The following GRAMD1B variants were observed in gnomAD, a reference collection of about 807,000 sequenced individuals.
GRAMD1B encodes the protein protein Aster-B.
In GRAMD1B, 37 loss-of-function variants were observed where a neutral mutation model predicts 99.7. That is an observed-to-expected ratio of 0.37 (90% confidence interval 0.29 to 0.49). GRAMD1B has a LOEUF of 0.49. Ranked by LOEUF, GRAMD1B falls within the 20% of genes least tolerant of loss-of-function variation. The pLI is 0.98. For missense variants in GRAMD1B, 888 were observed against 1,009.2 expected (o/e 0.88, Z 1.63); for synonymous variants, 427 against 387.6 (o/e 1.10, Z -1.19).
intron 1 of GRAMD1B, among the ~76,000 whole-genome samples, chr11:123,445,926 C>T (rs1273627106): frequency 2.0e-5 from 3 of 151,744 alleles, no homozygotes; most frequent in Non-Finnish European, 4.4e-5. Context: ...TCAAGACATA[C>T]TATTGGGAAA....
At chr11:123,553,409 C>G (rs1282493908) in intron 2 of GRAMD1B, among the ~76,000 whole-genome samples, 1 of 152,056 alleles carries the variant, frequency 6.6e-6, no homozygotes, top group African/African-American at 2.4e-5. Flanking sequence ...GCATTTTGTC[C>G]CAGGGAAGGC....
intron 8 of GRAMD1B, among the ~76,000 whole-genome samples, chr11:123,601,315 C>T (rs185113787): frequency 4.3e-4 from 66 of 152,086 alleles, no homozygotes; most frequent in Admixed American, 1.6e-3. Flanking sequence ...GATGAAGCCA[C>T]CCCTTCATGC....
intron 1 of GRAMD1B, among the ~76,000 whole-genome samples, chr11:123,422,213 G>A (rs187306933): frequency 3.9e-4 from 59 of 152,296 alleles, no homozygotes; most frequent in Admixed American, 1.6e-3. Flanking sequence ...GTTCTGGGGC[G>A]CAGTGCAGCA....
chr11:123,373,072 G>A (rs1001899999), intron 1 of GRAMD1B, among the ~76,000 whole-genome samples: 9 of 152,204 alleles, frequency 5.9e-5, no homozygotes, highest in Non-Finnish European at 1.2e-4. Context: ...CCAGGAGGCA[G>A]AGGTTGTGGT....
intron 2 of GRAMD1B, among the ~76,000 whole-genome samples, chr11:123,576,732 G>A (rs1429556409): frequency 2.6e-5 from 4 of 152,190 alleles, no homozygotes; most frequent in Non-Finnish European, 5.9e-5. Flanking sequence ...AAATAATATG[G>A]TGTGGGTGAG....
chr11:123,557,760 C>T (rs973179644), intron 2 of GRAMD1B, among the ~76,000 whole-genome samples: 1 of 152,086 alleles, frequency 6.6e-6, no homozygotes, highest in Non-Finnish European at 1.5e-5. Context: ...CGGTTTTAAC[C>T]CATTGTATTT....
intron 2 of GRAMD1B, among the ~76,000 whole-genome samples, chr11:123,481,394 C>T (rs1399135384): frequency 6.6e-6 from 1 of 152,150 alleles, no homozygotes; most frequent in Admixed American, 6.5e-5. Flanking sequence ...GCAGAGGTTG[C>T]AGTGAGCCAA....
At chr11:123,611,902 G>A (rs1471409580) in intron 14 of GRAMD1B, among the ~76,000 whole-genome samples, 1 of 152,142 alleles carries the variant, frequency 6.6e-6, no homozygotes, top group African/African-American at 2.4e-5. Context: ...ATTGACAGAT[G>A]CAGATGAACC....
chr11:123,476,292 G>T (rs1340328552), intron 1 of GRAMD1B, among the ~76,000 whole-genome samples: 1 of 152,026 alleles, frequency 6.6e-6, no homozygotes, highest in Non-Finnish European at 1.5e-5. Flanking sequence ...GTAGAGACAG[G>T]GTTTCACCAT....
chr11:123,458,329 A>G (rs1950252856), intron 1 of GRAMD1B: 1 of 152,178 alleles, frequency 6.6e-6, no homozygotes, highest in South Asian at 2.1e-4. Flanking sequence ...GAAGAATATA[A>G]TCCAACTCTG....
At chr11:123,517,781 G>GT (rs1941814906) in intron 2 of GRAMD1B, among the ~76,000 whole-genome samples, 1 of 152,168 alleles carries the variant, frequency 6.6e-6, no homozygotes, top group African/African-American at 2.4e-5. Flanking sequence ...TTTAAAATGA[G>GT]TTAACGCTCA....
At chr11:123,454,446 G>A (rs910406249) in intron 1 of GRAMD1B, 10 of 152,222 alleles carry the variant, frequency 6.6e-5, no homozygotes, top group African/African-American at 1.9e-4. Context: ...AAAAGACAGC[G>A]GTTTAGAGAG....
At chr11:123,391,971 A>G (rs1309434934) in intron 1 of GRAMD1B, among the ~76,000 whole-genome samples, 1 of 152,200 alleles carries the variant, frequency 6.6e-6, no homozygotes, top group Non-Finnish European at 1.5e-5. Context: ...GGCAGAGGGT[A>G]GAGAGGTTAT....
chr11:123,400,340 G>A (rs1016836847), intron 1 of GRAMD1B, among the ~76,000 whole-genome samples: 4 of 152,056 alleles, frequency 2.6e-5, no homozygotes, highest in African/African-American at 9.7e-5. Flanking sequence ...AGTCAGGCAT[G>A]GTGGCATGTA....
intron 19 of GRAMD1B, among the ~76,000 whole-genome samples, chr11:123,620,142 A>T (rs536893868): frequency 1.3e-5 from 2 of 152,308 alleles, no homozygotes; most frequent in African/African-American, 4.8e-5. Flanking sequence ...ATTAATATTA[A>T]ACTTTGTTTC....
chr11:123,610,212 G>A lies in GRAMD1B; in HGVS notation c.1793G>A (p.Ser598Asn). ...VRETQTMYKA[S>N]QESECYVIDA... ...TGCCCGCAGACCATGTACAAGGCGAGCCAGGAGAGTGAATGTTACGTGATA... is the reference window on the plus strand; with the variant it reads ...TGCCCGCAGACCATGTACAAGGCGAACCAGGAGAGTGAATGTTACGTGATA... Residue 598 changes from serine (S) to asparagine (N), a missense_variant, in exon 14 of 20, where the codon AGC becomes AAC. By Grantham distance (46) the Ser-to-Asn change is conservative. Around this residue, in one of 5 missense-constraint regions of GRAMD1B, gnomAD observed 92 missense variants for 156.9 expected, o/e 0.59. Coordinates refer to ENST00000635736, the MANE Select transcript of GRAMD1B (RefSeq NM_001387025.1). This position sits in a 1 kb window ranked among gnomAD's most constrained non-coding sequence, Gnocchi z 4.1. 1 of 1,613,940 alleles carries A rather than the reference G, an allele frequency of 6.2e-7. No homozygotes were observed. Among genetic ancestry groups the A allele is most frequent in the South Asian group, 1.1e-5 (1 of 91,076 alleles).
At chr11:123,487,123 G>A (rs1208190140) in intron 2 of GRAMD1B, among the ~76,000 whole-genome samples, 1 of 152,186 alleles carries the variant, frequency 6.6e-6, no homozygotes, top group African/African-American at 2.4e-5. Context: ...TTAAACCTGT[G>A]TAATAAACCT....
chr11:123,553,736 A>G (rs1238520751), intron 2 of GRAMD1B, among the ~76,000 whole-genome samples: 1 of 152,220 alleles, frequency 6.6e-6, no homozygotes, highest in Non-Finnish European at 1.5e-5. Context: ...CGGAGAGGAC[A>G]GAGTGGACAT....
intron 1 of GRAMD1B, among the ~76,000 whole-genome samples, chr11:123,433,236 G>A (rs1005409826): frequency 6.6e-6 from 1 of 152,096 alleles, no homozygotes; most frequent in Non-Finnish European, 1.5e-5. Context: ...AAATTAGCCA[G>A]GTGTAGTAGC....
Sources: gnomAD v4.1 joint callset for allele counts (sites outside exome capture counted in the v4.1 genomes callset) on GRCh38, gnomAD v4.1.1 for gene constraint, gnomAD v4.1.1 regional missense constraint, Gnocchi (gnomAD v3.1) non-coding constraint, MANE v1.5 for transcripts, NCBI Gene and HGNC (gene_info 2026-07-23, HGNC 2026-07-21) for gene names.